The following NAP1L4 variants were observed in gnomAD, a reference collection of about 807,000 sequenced individuals.
NAP1L4 encodes nucleosome assembly protein 1 like 4, also known as nucleosome assembly protein 1-like 4.
In NAP1L4, 15 loss-of-function variants were observed where a neutral mutation model predicts 58.2. That is an observed-to-expected ratio of 0.26 (90% CI 0.17 to 0.40). The LOEUF is 0.40. Among genes scored for constraint, NAP1L4 ranks in the 10% least tolerant of loss-of-function variants. The probability of loss-of-function intolerance (pLI) is 1.00; values close to 1 mark genes in which losing one functional copy is unlikely to be tolerated. For missense variants in NAP1L4, 384 were observed against 451.1 expected, an observed-to-expected ratio of 0.85 and a Z score of 1.35; for synonymous variants, 171 against 155.6, an observed-to-expected ratio of 1.10 and a Z score of -0.74.
At chr11:2,987,068 C>T (rs748121808) in intron 1 of NAP1L4, among the ~76,000 whole-genome samples, 99 of 152,084 alleles carry the variant, frequency 6.5e-4, no homozygotes, top group Non-Finnish European at 1.2e-3. Context: ...TAGATTAGGA[C>T]ATCAGAAAGG....
intron 2 of NAP1L4, 21 bp from the exon 3 acceptor site, chr11:2,978,363 A>C (rs1324285511): frequency 6.2e-7 from 1 of 1,610,224 alleles, no homozygotes; most frequent in African/African-American, 1.3e-5. Flanking sequence ...AGTATGTTTA[A>C]AAAGTATTAC....
At position 2,951,442 on chromosome 11, in the gene NAP1L4, CTCA is replaced by C; in HGVS notation, c.1066-130_1066-128del. ...ATCAATTACTGCTACCCACAAGTGA[CTCA>C]TCACTTCCTTTGGACACTTAGAATT... On this transcript the variant is annotated intron_variant, in intron 13 of 15. Coordinates refer to ENST00000380542, the MANE Select transcript of NAP1L4 (RefSeq NM_005969.4). This position sits in a 1 kb window ranked among gnomAD's most constrained non-coding sequence, Gnocchi z 4.0. The C allele has an allele frequency of 1.3e-6, 1 of 783,172 alleles. No homozygotes were observed. Among genetic ancestry groups the C allele is most frequent in the Middle Eastern group, 2.8e-4 (1 of 3,576 alleles). The allele number at this position is 783,172 out of a possible 1,614,324, so 48.5% of individuals were successfully genotyped here. A position where few individuals can be genotyped will look rare whatever the true frequency, so the allele number is the denominator to read the frequency against.
Position 2,951,302 on chromosome 11 carries a change from T to G in NAP1L4, c.1079A>C (p.Asp360Ala). ...ATCATCCTCGTCTTCTCCCTCCTCG[T>G]CACCTTCTAATTCCTGTATTTAAAA... The part of the protein sequence containing the change: ...EEGEEEELEG[D>A]EEGEDEDDAE... The change falls in exon 14 of 16, where the codon GAC becomes GCC. Residue 360 changes from aspartate to alanine, a missense_variant. Coordinates refer to ENST00000380542, the MANE Select transcript of NAP1L4 (RefSeq NM_005969.4). The surrounding 1 kb of genome is among the most constrained non-coding windows in gnomAD (Gnocchi z 4.0). The G allele has an allele frequency of 6.2e-7, 1 of 1,614,064 alleles. No individual in the cohort carries two copies. The highest frequency in any genetic ancestry group is 8.5e-7 in the Non-Finnish European group (1 of 1,179,958).
chr11:2,953,027 G>C (rs903164979), intron 12 of NAP1L4, among the ~76,000 whole-genome samples: 2 of 152,232 alleles, frequency 1.3e-5, no homozygotes, highest in African/African-American at 2.4e-5. Flanking sequence ...CAAGTAACCA[G>C]AGTCTTTACC....
At chr11:2,977,137 A>G (rs1424483891) in intron 3 of NAP1L4, among the ~76,000 whole-genome samples, 1 of 152,244 alleles carries the variant, frequency 6.6e-6, no homozygotes, top group Non-Finnish European at 1.5e-5. Context: ...CTGTGTACAC[A>G]TGTGTAGTAT....
At chr11:2,966,508 T>G (rs1429123787) in intron 7 of NAP1L4, among the ~76,000 whole-genome samples, 1 of 152,214 alleles carries the variant, frequency 6.6e-6, no homozygotes. Context: ...AGCTCCCACA[T>G]GAGTGTGAAC....
chr11:2,949,350 T>C lies in NAP1L4; in HGVS notation c.1123-86A>G. The C allele has an allele frequency of 9.1e-7, 1 of 1,099,368 alleles. No homozygotes were observed. Among genetic ancestry groups the C allele is most frequent in the South Asian group, 1.3e-5 (1 of 79,414 alleles). 68.1% of individuals were successfully genotyped at this position (1,099,368 alleles called of 1,614,324 possible). On this transcript the variant is annotated intron_variant, in intron 14 of 15. Transcript: ENST00000380542. This position sits in a 1 kb window ranked among gnomAD's most constrained non-coding sequence, Gnocchi z 4.0. ...TTATACAGGAGGAAACGGCCACAAT[T>C]TCTCATGATACAAAAGGGCTGCAAG...
chr11:2,945,783 A>T (rs1320963745), intron 15 of NAP1L4, 137 bp from the exon 16 acceptor site: 14 of 654,328 alleles, frequency 2.1e-5, no homozygotes, highest in Non-Finnish European at 3.4e-5. Context: ...ATACTTTTAA[A>T]AATAGTGACA....
intron 1 of NAP1L4, chr11:2,991,173 G>C (rs753395827): frequency 3.1e-5 from 14 of 455,960 alleles, no homozygotes; most frequent in Non-Finnish European, 5.7e-5. Flanking sequence ...ACACGTTAGG[G>C]TCTAAAGGTC....
At chr11:2,968,501 G>C (rs140924086) in intron 7 of NAP1L4, among the ~76,000 whole-genome samples, 39 of 152,264 alleles carry the variant, frequency 2.6e-4, no homozygotes, top group Middle Eastern at 3.4e-3. Flanking sequence ...ATGCTTTCTG[G>C]TCTGGAAGGA....
intron 8 of NAP1L4, chr11:2,960,118 T>C (rs1184802747): frequency 5.6e-6 from 3 of 531,288 alleles, no homozygotes; most frequent in Admixed American, 3.2e-5. Flanking sequence ...GTTCAGTTCA[T>C]GAGTAAGGGG....
Position 2,949,340 on chromosome 11 carries a change from C to T in NAP1L4, c.1123-76G>A, listed in dbSNP as rs1445326311. On this transcript the variant is annotated intron_variant, in intron 14 of 15. Coordinates refer to ENST00000380542, the MANE Select transcript of NAP1L4 (RefSeq NM_005969.4). This position sits in a 1 kb window ranked among gnomAD's most constrained non-coding sequence, Gnocchi z 4.0. Reference sequence around the variant, plus strand: ...ATGCACAAAATTATACAGGAGGAAACGGCCACAATTTCTCATGATACAAAA... The same window carrying T: ...ATGCACAAAATTATACAGGAGGAAATGGCCACAATTTCTCATGATACAAAA... 1.9e-5 allele frequency: 23 copies of T among 1,228,692 alleles called. No homozygotes were observed. The highest frequency in any genetic ancestry group is 4.5e-5 in the African/African-American group (3 of 66,884). 76.1% of individuals were successfully genotyped at this position (1,228,692 alleles called of 1,614,324 possible). A position where few individuals can be genotyped will look rare whatever the true frequency, so the allele number is the denominator to read the frequency against.
Position 2,959,723 on chromosome 11 carries a change from CTTTTGA to C in NAP1L4, c.746+41_746+46del. The C allele has an allele frequency of 6.2e-7, 1 of 1,603,502 alleles. No individual in the cohort carries two copies. The highest frequency in any genetic ancestry group is 8.5e-7 in the Non-Finnish European group (1 of 1,173,730). ...CTTACCCATCAAGTTACAAAATTATCTTTTGATTTTGTTTCAGAAAAACAAGGTAGA... is the reference window on the plus strand; with the variant it reads ...CTTACCCATCAAGTTACAAAATTATCTTTTGTTTCAGAAAAACAAGGTAGA... On this transcript the variant is annotated intron_variant, in intron 9 of 15. Coordinates refer to ENST00000380542, the MANE Select transcript of NAP1L4 (RefSeq NM_005969.4). The surrounding 1 kb of genome is among the most constrained non-coding windows in gnomAD (Gnocchi z 4.9).
chr11:2,956,186 A>G (rs190528807), intron 10 of NAP1L4, among the ~76,000 whole-genome samples: 1 of 152,362 alleles, frequency 6.6e-6, no homozygotes, highest in African/African-American at 2.4e-5. Flanking sequence ...CTTAAGCCTT[A>G]TAAGCTGTGA....
intron 1 of NAP1L4, among the ~76,000 whole-genome samples, chr11:2,986,174 G>C (rs146146211): frequency 2.0e-5 from 3 of 152,212 alleles, no homozygotes; most frequent in African/African-American, 7.2e-5. Flanking sequence ...GGGAGTTCGA[G>C]GTCAGCCTGG....
chr11:2,982,783 G>A (rs1283061460), intron 1 of NAP1L4, among the ~76,000 whole-genome samples: 1 of 152,164 alleles, frequency 6.6e-6, no homozygotes, highest in Non-Finnish European at 1.5e-5. Context: ...AGCACTTTGG[G>A]AGGCCAAGGC....
chr11:2,978,929 GGA>G (rs1848133126), intron 2 of NAP1L4, among the ~76,000 whole-genome samples: 1 of 152,202 alleles, frequency 6.6e-6, no homozygotes, highest in African/African-American at 2.4e-5. Flanking sequence ...CAGACTGTTA[GGA>G]GAGTGTCAAA....
chr11:2,967,562 G>A (rs1016084336), intron 7 of NAP1L4, among the ~76,000 whole-genome samples: 16 of 144,560 alleles, frequency 1.1e-4, no homozygotes, highest in African/African-American at 4.2e-4. Context: ...AGTGAGCCAA[G>A]ATCACGCCAC....
At chr11:2,973,066 G>A (rs1191346278) in intron 4 of NAP1L4, among the ~76,000 whole-genome samples, 1 of 152,206 alleles carries the variant, frequency 6.6e-6, no homozygotes, top group African/African-American at 2.4e-5. Flanking sequence ...CAATGCAAGT[G>A]CAACAGCATT....
Sources: gnomAD v4.1 joint callset for allele counts (sites outside exome capture counted in the v4.1 genomes callset) on GRCh38, gnomAD v4.1.1 for gene constraint, Gnocchi (gnomAD v3.1) non-coding constraint, MANE v1.5 for transcripts, NCBI Gene and HGNC (gene_info 2026-07-23, HGNC 2026-07-21) for gene names.